The following B4GALNT3 variants were observed in gnomAD, a reference collection of about 807,000 sequenced individuals.
The protein encoded by B4GALNT3 is beta-1,4-N-acetyl-galactosaminyltransferase 3.
A neutral mutation model predicts 120.2 loss-of-function variants in B4GALNT3; 86 were observed. That is an observed-to-expected ratio of 0.72 (90% CI 0.60 to 0.86). B4GALNT3 has a LOEUF of 0.86. Among genes scored for constraint, B4GALNT3 ranks in the 40% least tolerant of loss-of-function variants. The pLI, the probability that B4GALNT3 is intolerant of heterozygous loss-of-function variation, is 0.00. For missense variants in B4GALNT3, 1,167 were observed against 1,298.9 expected, an observed-to-expected ratio of 0.90 and a Z score of 1.56; for synonymous variants, 518 against 510.4, an observed-to-expected ratio of 1.01 and a Z score of -0.20.
At chr12:496,878 G>A (rs181818095) in intron 1 of B4GALNT3, among the ~76,000 whole-genome samples, 48 of 152,238 alleles carry the variant, frequency 3.2e-4, no homozygotes, top group East Asian at 5.8e-4. Flanking sequence ...TACTTCATTC[G>A]TTTATTCTAT....
intron 3 of B4GALNT3, among the ~76,000 whole-genome samples, chr12:543,685 AGC>A (rs1946950214): frequency 1.5e-5 from 1 of 65,462 alleles, no homozygotes; most frequent in Non-Finnish European, 3.0e-5. Flanking sequence ...ATCTTCCTGG[AGC>A]TGAGGAGCTG....
chr12:520,766 G>A (rs997016223), intron 1 of B4GALNT3, among the ~76,000 whole-genome samples: 2 of 152,128 alleles, frequency 1.3e-5, no homozygotes, highest in Admixed American at 1.3e-4. Context: ...GCTCCAGCCT[G>A]GGTGACAGAG....
At chr12:529,573 C>T (rs1946787986) in intron 1 of B4GALNT3, among the ~76,000 whole-genome samples, 1 of 152,252 alleles carries the variant, frequency 6.6e-6, no homozygotes. Flanking sequence ...TATCGGGCTC[C>T]CTTGCCATTT....
At chr12:500,170 G>T (rs182458695) in intron 1 of B4GALNT3, among the ~76,000 whole-genome samples, 1 of 152,142 alleles carries the variant, frequency 6.6e-6, no homozygotes, top group Non-Finnish European at 1.5e-5. Flanking sequence ...AAGAGTTGGG[G>T]TCTTGCTCTG....
At chr12:538,576 A>G (rs998750539) in intron 3 of B4GALNT3, among the ~76,000 whole-genome samples, 3 of 151,948 alleles carry the variant, frequency 2.0e-5, no homozygotes, top group Non-Finnish European at 2.9e-5. Context: ...AAAAAAAAAA[A>G]AAAAAGAAAT....
At position 473,295 on chromosome 12, in the gene B4GALNT3, C is replaced by G. The variant is rs1946154939; in HGVS notation, c.169+12750C>G. Among the ~76,000 whole-genome samples the G allele has an allele frequency of 2.0e-5, 3 of 152,134 alleles. No homozygotes were observed. The South Asian group carries it at 6.2e-4, about 31-fold the overall frequency. On this transcript the variant is annotated intron_variant, in intron 1 of 19. Transcript: ENST00000266383. ...AATACTTACCAACCCCTTCTACATC[C>G]CAGGAACTTGTGACTGTAGGTTGAT...
In B4GALNT3 at chr12:556,550, G is replaced by T. The variant is rs763748910; in HGVS notation, c.2064G>T (p.Arg688Ser). ...CTCCCCACACTTTCTGCCATAGGAG[G>T]TACCAGCTACAGCGCATTGTGAACG... is the stretch of plus-strand genomic sequence containing the variant. Reference protein sequence around the residue: ...LKKLNQRSRGRYQLQRIVNVE... With the variant: ...LKKLNQRSRGSYQLQRIVNVE... Residue 688 changes from arginine (R) to serine (S), a missense_variant, in exon 15 of 20, where the codon AGG (arginine) becomes AGT (serine). By Grantham distance (110) the Arg-to-Ser change is moderately radical (BLOSUM62 -1). Coordinates refer to ENST00000266383, the MANE Select transcript of B4GALNT3 (RefSeq NM_173593.4). The T allele has an allele frequency of 6.2e-7, 1 of 1,610,520 alleles. No individual in the cohort carries two copies. Among genetic ancestry groups the T allele is most frequent in the South Asian group, 1.1e-5 (1 of 91,016 alleles).
chr12:559,517 C>A, intron 19 of B4GALNT3, 96 bp downstream of exon 19: 1 of 1,542,362 alleles, frequency 6.5e-7, no homozygotes, highest in Non-Finnish European at 8.8e-7. Context: ...CCCCCTCGGC[C>A]GCAGAGTCCC....
chr12:461,122 C>T (rs978629216), intron 1 of B4GALNT3, among the ~76,000 whole-genome samples: 1 of 152,122 alleles, frequency 6.6e-6, no homozygotes, highest in African/African-American at 2.4e-5. Flanking sequence ...ATACGTCGCT[C>T]CTCTCCCAGC....
At chr12:473,298 G>A (rs1024543184) in intron 1 of B4GALNT3, among the ~76,000 whole-genome samples, 5 of 152,126 alleles carry the variant, frequency 3.3e-5, no homozygotes, top group Non-Finnish European at 7.3e-5. Context: ...CTACATCCCA[G>A]GAACTTGTGA....
At chr12:546,219 T>TGTGAGAGGAGGGAGGGGGGA (rs1947005683) in intron 6 of B4GALNT3, among the ~76,000 whole-genome samples, 1 of 21,526 alleles carries the variant, frequency 4.6e-5, no homozygotes, top group Non-Finnish European at 9.0e-5. Flanking sequence ...GGGAGGGGGG[T>TGTGAGAGGAGGGAGGGGGGA]GTGGGAGGAG....
At chr12:554,140 G>A (rs929613388) in intron 14 of B4GALNT3, among the ~76,000 whole-genome samples, 157 bp downstream of exon 14, 7 of 152,216 alleles carry the variant, frequency 4.6e-5, no homozygotes, top group African/African-American at 7.2e-5. Context: ...ACAAGTGCCC[G>A]GGGCCCCTGT....
intron 1 of B4GALNT3, among the ~76,000 whole-genome samples, chr12:477,498 A>G (rs1369731789): frequency 2.0e-5 from 3 of 152,198 alleles, no homozygotes; most frequent in Non-Finnish European, 4.4e-5. Context: ...GAATTTTCAC[A>G]TTGCACGAGA....
chr12:531,065 T>C (rs1274691884), intron 1 of B4GALNT3, among the ~76,000 whole-genome samples: 1 of 152,092 alleles, frequency 6.6e-6, no homozygotes, highest in African/African-American at 2.4e-5. Flanking sequence ...AAGCGACAAA[T>C]GTCAGTAGTT....
intron 9 of B4GALNT3, among the ~76,000 whole-genome samples, chr12:549,041 C>T (rs986800298): frequency 5.9e-5 from 9 of 152,194 alleles, no homozygotes; most frequent in Admixed American, 3.3e-4. Flanking sequence ...GCACAGGAAG[C>T]GACCTCTTTC....
chr12:555,823 C>T (rs187316089), intron 14 of B4GALNT3, among the ~76,000 whole-genome samples: 51 of 151,240 alleles, frequency 3.4e-4, no homozygotes, highest in South Asian at 2.3e-3. Flanking sequence ...CTCGCTCTGT[C>T]GCCCAGGCTG....
chr12:552,292 T>C (rs1947092171), intron 12 of B4GALNT3, 129 bp downstream of exon 12: 3 of 625,884 alleles, frequency 4.8e-6, no homozygotes, highest in Non-Finnish European at 5.7e-6. Flanking sequence ...TCCTGAGTAC[T>C]ACACACACAC....
intron 1 of B4GALNT3, among the ~76,000 whole-genome samples, chr12:495,661 A>C (rs1340217760): frequency 6.6e-6 from 1 of 152,164 alleles, no homozygotes; most frequent in Admixed American, 6.5e-5. Flanking sequence ...TCACTTGCCA[A>C]ACTGCGTGCC....
Position 460,250 on chromosome 12 carries a change from A to T in B4GALNT3, c.-127A>T. ...CCCCGCCGGAGAGCGGCCGGGAGAG[A>T]CGGCCTCGGCGCAGCCCTGAGACGC... is the stretch of plus-strand genomic sequence containing the variant. On this transcript the variant is annotated 5_prime_UTR_variant, in exon 1 of 20. Transcript: ENST00000266383. This position sits in a 1 kb window ranked among gnomAD's most constrained non-coding sequence, Gnocchi z 8.0. The T allele has an allele frequency of 1.4e-6, 1 of 716,138 alleles. No individual in the cohort carries two copies. The highest frequency in any genetic ancestry group is 1.7e-6 in the Non-Finnish European group (1 of 586,202). The allele number at this position is 716,138 out of a possible 1,614,324, so 44.4% of individuals were successfully genotyped here. A position where few individuals can be genotyped will look rare whatever the true frequency, so the allele number is the denominator to read the frequency against.
Sources: allele counts gnomAD v4.1 joint callset (sites outside exome capture counted in the v4.1 genomes callset), GRCh38; gene constraint gnomAD v4.1.1; non-coding constraint Gnocchi (gnomAD v3.1); transcripts MANE v1.5; gene names NCBI Gene and HGNC (gene_info 2026-07-23, HGNC 2026-07-21).